The following ADGRA1 variants were observed in gnomAD, a reference collection of about 807,000 sequenced individuals.
The protein encoded by ADGRA1 is adhesion G protein-coupled receptor A1.
A neutral mutation model predicts 21.3 loss-of-function variants in ADGRA1; 12 were observed. The observed-to-expected ratio is 0.56, with a 90% CI of 0.36 to 0.91. ADGRA1 has a LOEUF of 0.91. Among genes scored for constraint, ADGRA1 ranks in the 40% least tolerant of loss-of-function variants. ADGRA1 has a pLI of 0.01. For missense variants in ADGRA1, 790 were observed against 805.6 expected, an observed-to-expected ratio of 0.98 and a Z score of 0.23; for synonymous variants, 385 against 368.8, an observed-to-expected ratio of 1.04 and a Z score of -0.50.
intron 2 of ADGRA1, chr10:133,095,625 T>G (rs1238245041): frequency 6.3e-7 from 1 of 1,580,272 alleles, no homozygotes; most frequent in African/African-American, 1.3e-5. Context: ...GGGCTTTGAC[T>G]GTCAGCCAGT....
chr10:133,088,166 C>G (rs1346395809), intron 1 of ADGRA1, 28 bp downstream of exon 1: 4 of 912,486 alleles, frequency 4.4e-6, no homozygotes, highest in African/African-American at 3.6e-5. Context: ...GTCTGGGCGG[C>G]GGGAGGGACG....
Position 133,129,280 on chromosome 10 carries a change from C to T in ADGRA1, c.1452C>T (p.Pro484=), listed in dbSNP as rs368349750. The T allele has an allele frequency of 1.2e-5, 18 of 1,550,486 alleles. No individual in the cohort carries two copies. Among genetic ancestry groups the T allele is most frequent in the Non-Finnish European group, 1.6e-5 (18 of 1,147,614 alleles). The part of the protein sequence containing the change: ...QGDPFPMVTQ[P]EGSDGSPALY... ...ACCCCTTCCCCATGGTCACCCAGCC[C>T]GAGGGCAGTGATGGGAGCCCTGCCC... The change falls in exon 7 of 7, where the codon CCC becomes CCT. Residue 484 remains proline, a synonymous_variant. Transcript: ENST00000392607.
In ADGRA1 at chr10:133,088,913, G is replaced by C; in HGVS notation, c.3+1G>C. The C allele has an allele frequency of 8.0e-7, 1 of 1,242,436 alleles. No homozygotes were observed. The highest frequency in any genetic ancestry group is 1.0e-6 in the Non-Finnish European group (1 of 990,714). The allele number at this position is 1,242,436 out of a possible 1,614,324, so 77.0% of individuals were successfully genotyped here. A position where few individuals can be genotyped will look rare whatever the true frequency, so the allele number is the denominator to read the frequency against. The stretch of plus-strand genomic sequence containing the variant: ...CTTCCGCAACTTTGCAGCGCTCATG[G>C]TGAGTACGGGGGTCCCGGGGGTCCT... On this transcript the variant is annotated splice_donor_variant, in intron 2 of 6. Transcript: ENST00000392607. LOFTEE classifies it high-confidence loss of function.
At chr10:133,116,404 G>C (rs1450391462) in intron 5 of ADGRA1, among the ~76,000 whole-genome samples, 1 of 151,378 alleles carries the variant, frequency 6.6e-6, no homozygotes, top group Non-Finnish European at 1.5e-5. Context: ...TCCAGGCTTT[G>C]TCAGCGCCCC....
At chr10:133,108,490 G>A (rs990191827) in intron 5 of ADGRA1, among the ~76,000 whole-genome samples, 2 of 152,058 alleles carry the variant, frequency 1.3e-5, no homozygotes, top group Non-Finnish European at 2.9e-5. Flanking sequence ...GGAGACAGAG[G>A]TGTTGGACAC....
At position 133,097,012 on chromosome 10, in the gene ADGRA1, G is replaced by A; in HGVS notation, c.42G>A (p.Gly14=). 6.2e-7 allele frequency: 1 copy of A among 1,613,386 alleles called. No individual in the cohort carries two copies. The highest frequency in any genetic ancestry group is 8.5e-7 in the Non-Finnish European group (1 of 1,179,972). ...TGCTCTCCCTGCCCCGCTACCCAGG[G>A]GAGTTCCTGCACCCCGTGGTGTACG... is the stretch of plus-strand genomic sequence containing the variant. ...KTVLSLPRYP[G]EFLHPVVYAC... Residue 14 remains glycine, a synonymous_variant, in exon 3 of 7, where the codon GGG becomes GGA. Coordinates refer to ENST00000392607, the MANE Select transcript of ADGRA1 (RefSeq NM_001083909.3).
chr10:133,092,944 T>C, intron 2 of ADGRA1: 1 of 1,570,296 alleles, frequency 6.4e-7, no homozygotes, highest in Non-Finnish European at 8.6e-7. Context: ...GGATATGTGT[T>C]CCTTCCTCAG....
intron 2 of ADGRA1, among the ~76,000 whole-genome samples, chr10:133,090,223 A>G (rs978774275): frequency 1.3e-5 from 2 of 152,088 alleles, no homozygotes; most frequent in Non-Finnish European, 2.9e-5. Flanking sequence ...GGCCTCCCCA[A>G]TCCAAGAAGG....
intron 6 of ADGRA1, 48 bp from the exon 7 acceptor site, chr10:133,128,281 G>A: frequency 7.0e-7 from 1 of 1,429,274 alleles, no homozygotes; most frequent in Non-Finnish European, 9.3e-7. Flanking sequence ...GGCGTCCTGA[G>A]TCCTGGCCGT....
chr10:133,117,357 G>T (rs1228130789), intron 5 of ADGRA1, among the ~76,000 whole-genome samples: 1 of 152,192 alleles, frequency 6.6e-6, no homozygotes, highest in Non-Finnish European at 1.5e-5. Flanking sequence ...AGTGCCCGGG[G>T]TGCCCAGCAA....
At chr10:133,096,918 G>A (rs1172517430) in intron 2 of ADGRA1, 56 bp from the exon 3 acceptor site, 6 of 1,570,126 alleles carry the variant, frequency 3.8e-6, no homozygotes, top group South Asian at 2.3e-5. Context: ...AGGCGACGGC[G>A]CCGCCCACAC....
chr10:133,112,329 C>CTGGGGTCTGCAGGCTGCGTCAGTTATT (rs1852049308), intron 5 of ADGRA1, among the ~76,000 whole-genome samples: 1 of 133,286 alleles, frequency 7.5e-6, no homozygotes, highest in African/African-American at 2.8e-5. Context: ...CATCGGTTAT[C>CTGGGGTCTGCAGGCTGCGTCAGTTATT]TGGGGTCTGC....
chr10:133,104,492 C>T (rs766264444), intron 5 of ADGRA1, among the ~76,000 whole-genome samples: 4 of 152,172 alleles, frequency 2.6e-5, no homozygotes, highest in Non-Finnish European at 4.4e-5. Flanking sequence ...GGGGGGCCAG[C>T]GGGCCCGGGG....
chr10:133,115,147 G>A (rs893054915), intron 5 of ADGRA1, among the ~76,000 whole-genome samples: 1 of 152,106 alleles, frequency 6.6e-6, no homozygotes, highest in Non-Finnish European at 1.5e-5. Flanking sequence ...GGTGCACCTG[G>A]GCCTCAGGCG....
chr10:133,098,297 G>C (rs982810165), intron 3 of ADGRA1, among the ~76,000 whole-genome samples: 2 of 152,160 alleles, frequency 1.3e-5, no homozygotes, highest in African/African-American at 2.4e-5. Flanking sequence ...TGGGACCCAG[G>C]GGGTGCGGCC....
Position 133,131,254 on chromosome 10 carries a change from CGT to C in ADGRA1, c.*1748_*1749del, listed in dbSNP as rs1381985849. ...ACAGCGTGCTCCTCCCAGCAAACCC[CGT>C]GTGTCCTTACAGGTCGACCAGACGG... On this transcript the variant is annotated 3_prime_UTR_variant, in exon 7 of 7. Coordinates refer to ENST00000392607, the MANE Select transcript of ADGRA1 (RefSeq NM_001083909.3). The C allele has an allele frequency of 1.3e-5, 2 of 152,360 alleles. No individual in the cohort carries two copies. The highest frequency in any genetic ancestry group is 4.8e-5 in the African/African-American group (2 of 41,582). 9.4% of individuals were successfully genotyped at this position (152,360 alleles called of 1,614,324 possible). A position where few individuals can be genotyped will look rare whatever the true frequency, so the allele number is the denominator to read the frequency against.
chr10:133,121,877 TG>T (rs888855824), intron 5 of ADGRA1, among the ~76,000 whole-genome samples: 2 of 143,854 alleles, frequency 1.4e-5, no homozygotes, highest in African/African-American at 5.3e-5. Context: ...CTGTGTGTGG[TG>T]TGTGCCAGTG....
At chr10:133,099,895 C>T (rs1045321591) in intron 4 of ADGRA1, among the ~76,000 whole-genome samples, 2 of 152,236 alleles carry the variant, frequency 1.3e-5, no homozygotes, top group African/African-American at 4.8e-5. Flanking sequence ...CTGACATGCA[C>T]CTGCAGACAG....
Position 133,129,305 on chromosome 10 carries a change from C to T in ADGRA1, c.1477C>T (p.Leu493Phe), listed in dbSNP as rs1464968066. 5.1e-6 allele frequency: 8 copies of T among 1,554,806 alleles called. No individual in the cohort carries two copies. The highest frequency in any genetic ancestry group is 5.2e-6 in the Non-Finnish European group (6 of 1,150,262). Residue 493 changes from leucine to phenylalanine, a missense_variant, in exon 7 of 7, where the codon CTC becomes TTC. This residue lies in a region of ADGRA1 where 391 missense variants were observed against 351.5 expected (regional missense o/e 1.11). Coordinates refer to ENST00000392607, the MANE Select transcript of ADGRA1 (RefSeq NM_001083909.3). ...QPEGSDGSPA[L>F]YSCPTQPGRE... ...CGAGGGCAGTGATGGGAGCCCTGCC[C>T]TCTACAGCTGCCCCACGCAGCCGGG... is the stretch of plus-strand genomic sequence containing the variant.
Sources: gnomAD v4.1 joint callset for allele counts (sites outside exome capture counted in the v4.1 genomes callset) on GRCh38, gnomAD v4.1.1 for gene constraint, gnomAD v4.1.1 regional missense constraint, MANE v1.5 for transcripts, NCBI Gene and HGNC (gene_info 2026-07-23, HGNC 2026-07-21) for gene names.